Variants in PLCB1 observed in about 807,000 individuals in gnomAD.
PLCB1 encodes 1-phosphatidylinositol 4,5-bisphosphate phosphodiesterase beta-1.
Under a neutral mutation model 161.8 loss-of-function variants are expected in PLCB1, and 46 were observed. The ratio of observed to expected loss-of-function variants is 0.28; its 90% confidence interval spans 0.22 to 0.36. The LOEUF is 0.36. Among genes scored for constraint, PLCB1 ranks in the 10% least tolerant of loss-of-function variants. PLCB1 has a pLI of 1.00. For missense variants in PLCB1, 1,016 were observed against 1,472.5 expected (o/e 0.69, Z 5.07); for synonymous variants, 517 against 503.7 (o/e 1.03, Z -0.35).
chr20:8,276,435 G>T (rs2123273734), intron 2 of PLCB1, among the ~76,000 whole-genome samples: 1 of 152,224 alleles, frequency 6.6e-6, no homozygotes, highest in South Asian at 2.1e-4. Flanking sequence ...ATGGTTGTGA[G>T]GATTAAATGT....
chr20:8,628,276 T>A lies in PLCB1; in HGVS notation c.247-18T>A, dbSNP rs765060099. ...ATCTCTAGTTATAGACTAATTATTTTCAATATTTATTACCCAGGACCCCAA... is the reference window on the plus strand; with the variant it reads ...ATCTCTAGTTATAGACTAATTATTTACAATATTTATTACCCAGGACCCCAA... On this transcript the variant is annotated intron_variant, in intron 3 of 31. Coordinates refer to ENST00000338037, the MANE Select transcript of PLCB1 (RefSeq NM_015192.4). 4 of 1,596,154 alleles carry A rather than the reference T, an allele frequency of 2.5e-6. No homozygotes were observed. The South Asian group carries it at 3.3e-5, about 13-fold the overall frequency.
At chr20:8,483,949 G>C (rs1265202291) in intron 3 of PLCB1, among the ~76,000 whole-genome samples, 1 of 152,166 alleles carries the variant, frequency 6.6e-6, no homozygotes, top group Admixed American at 6.5e-5. Flanking sequence ...ACACATAGCA[G>C]CTAAGCTGGC....
intron 4 of PLCB1, among the ~76,000 whole-genome samples, chr20:8,639,473 G>C (rs1328587359): frequency 2.0e-5 from 3 of 152,168 alleles, no homozygotes; most frequent in Non-Finnish European, 4.4e-5. Flanking sequence ...TTTTCTCATA[G>C]ATCGAGATGC....
intron 2 of PLCB1, among the ~76,000 whole-genome samples, chr20:8,258,065 G>T (rs1981513863): frequency 6.6e-6 from 1 of 152,046 alleles, no homozygotes; most frequent in Non-Finnish European, 1.5e-5. Context: ...ATTTACTCAA[G>T]TTTACACTCA....
intron 3 of PLCB1, among the ~76,000 whole-genome samples, chr20:8,478,146 CAAGTA>C (rs1982358394): frequency 2.6e-5 from 4 of 152,128 alleles, no homozygotes; most frequent in Admixed American, 2.6e-4. Context: ...GGCTGAAACT[CAAGTA>C]AAGGAGTGAA....
At chr20:8,534,502 G>A (rs1385192752) in intron 3 of PLCB1, among the ~76,000 whole-genome samples, 5 of 152,108 alleles carry the variant, frequency 3.3e-5, no homozygotes, top group Non-Finnish European at 4.4e-5. Flanking sequence ...TTCTGTAGGA[G>A]GGGCTTATGG....
intron 11 of PLCB1, among the ~76,000 whole-genome samples, chr20:8,699,237 T>G (rs16995111): frequency 0.099 from 15,012 of 152,210 alleles, 1,756 homozygotes; most frequent in African/African-American, 0.28. Flanking sequence ...AACTCTTATC[T>G]GAAGCAACCA....
chr20:8,588,711 T>C (rs1472110923), intron 3 of PLCB1, among the ~76,000 whole-genome samples: 1 of 152,148 alleles, frequency 6.6e-6, no homozygotes, highest in East Asian at 1.9e-4. Context: ...GTCCACACCT[T>C]GATTTTTGAC....
chr20:8,299,285 T>G (rs886456493), intron 2 of PLCB1, among the ~76,000 whole-genome samples: 14 of 152,112 alleles, frequency 9.2e-5, no homozygotes, highest in African/African-American at 3.4e-4. Flanking sequence ...GCCCAATAAT[T>G]ATGCTGTAAA....
rs1206489907 is a variant in PLCB1, at chr20:8,523,490, C to CCATATATATATATATATATATATATA, written c.247-104804_247-104803insCATATATATATATATATATATATATA. Reference sequence around the variant, plus strand: ...GCTCTCTCTCTCTCTCTCTCTCTCTCTCTCTCTATATATATATATATATAT... The same window carrying CCATATATATATATATATATATATATA: ...GCTCTCTCTCTCTCTCTCTCTCTCTCCATATATATATATATATATATATATATCTCTCTATATATATATATATATAT... On this transcript the variant is annotated intron_variant, in intron 3 of 31. Transcript: ENST00000338037. Among the ~76,000 whole-genome samples, 153 of 67,616 alleles carry CCATATATATATATATATATATATATA rather than the reference C, an allele frequency of 2.3e-3. 23 individuals are homozygous for CCATATATATATATATATATATATATA. Among genetic ancestry groups the CCATATATATATATATATATATATATA allele is most frequent in the Non-Finnish European group, 2.6e-3 (86 of 33,660 alleles). 44.4% of individuals were successfully genotyped at this position (67,616 alleles called of 152,430 possible).
intron 1 of PLCB1, among the ~76,000 whole-genome samples, chr20:8,144,309 G>A (rs1015588989): frequency 1.3e-5 from 2 of 152,156 alleles, no homozygotes; most frequent in African/African-American, 4.8e-5. Context: ...GTTGATTTGG[G>A]ATCTGGGCTT....
intron 4 of PLCB1, among the ~76,000 whole-genome samples, chr20:8,633,964 T>C (rs1988683093): frequency 6.6e-6 from 1 of 152,240 alleles, no homozygotes; most frequent in Admixed American, 6.5e-5. Context: ...GTAATTGTAG[T>C]TTGTCCATTC....
chr20:8,731,496 A>G (rs1980244470), intron 18 of PLCB1, among the ~76,000 whole-genome samples: 1 of 151,926 alleles, frequency 6.6e-6, no homozygotes, highest in Admixed American at 6.6e-5. Flanking sequence ...TTGTGATATC[A>G]TCAAGTCAGA....
chr20:8,821,609 G>A (rs990825284), intron 31 of PLCB1, among the ~76,000 whole-genome samples: 6 of 141,910 alleles, frequency 4.2e-5, no homozygotes, highest in African/African-American at 1.5e-4. Flanking sequence ...TGATATATCA[G>A]TTTACTGTAA....
At chr20:8,657,039 G>C (rs192255288) in intron 7 of PLCB1, 145 bp from the exon 8 acceptor site, 4 of 605,346 alleles carry the variant, frequency 6.6e-6, no homozygotes, top group Admixed American at 5.6e-5. Context: ...AGAAGAAAAG[G>C]AAAAAGAAAG....
intron 9 of PLCB1, among the ~76,000 whole-genome samples, chr20:8,674,713 G>C (rs1429538664): frequency 6.6e-6 from 1 of 152,116 alleles, no homozygotes; most frequent in African/African-American, 2.4e-5. Context: ...CTTGTCTGCG[G>C]TTTCTCCTAG....
intron 23 of PLCB1, chr20:8,751,603 A>C (rs1163640969): frequency 6.6e-6 from 1 of 152,220 alleles, no homozygotes. Context: ...CATTCAAGTT[A>C]GGCATATTTT....
intron 27 of PLCB1, among the ~76,000 whole-genome samples, chr20:8,777,769 G>A (rs183719430): frequency 6.6e-6 from 1 of 151,522 alleles, no homozygotes. Context: ...CCATTTCCAT[G>A]CTTCTAATAA....
At chr20:8,794,157 T>C (rs1379059335) in intron 31 of PLCB1, among the ~76,000 whole-genome samples, 1 of 152,200 alleles carries the variant, frequency 6.6e-6, no homozygotes, top group Non-Finnish European at 1.5e-5. Context: ...ACATGTGCTC[T>C]ACAATTTGTG....
Sources: allele counts gnomAD v4.1 joint callset (sites outside exome capture counted in the v4.1 genomes callset), GRCh38; gene constraint gnomAD v4.1.1; transcripts MANE v1.5; gene names NCBI Gene and HGNC (gene_info 2026-07-23, HGNC 2026-07-21).